Variants in CACNA1C observed in about 807,000 individuals in gnomAD.
CACNA1C encodes the protein calcium voltage-gated channel subunit alpha1 C, also known as voltage-dependent L-type calcium channel subunit alpha-1C.
A neutral mutation model predicts 229.0 loss-of-function variants in CACNA1C; 30 were observed. The ratio of observed to expected loss-of-function variants is 0.13; its 90% confidence interval spans 0.10 to 0.18. The LOEUF is 0.18. Among genes scored for constraint, CACNA1C ranks in the 10% least tolerant of loss-of-function variants. The pLI is 1.00. For missense variants in CACNA1C, 1,658 were observed against 2,845.0 expected, an observed-to-expected ratio of 0.58 and a Z score of 9.49; for synonymous variants, 1,114 against 1,132.5, an observed-to-expected ratio of 0.98 and a Z score of 0.33.
intron 1 of CACNA1C, among the ~76,000 whole-genome samples, chr12:2,002,874 T>C (rs1349817288): frequency 6.6e-6 from 1 of 152,152 alleles, no homozygotes; most frequent in African/African-American, 2.4e-5. Context: ...ATGTTCTTTA[T>C]GTAAAAACGA....
chr12:2,531,673 C>T (rs1023623066), intron 9 of CACNA1C, among the ~76,000 whole-genome samples: 1 of 152,206 alleles, frequency 6.6e-6, no homozygotes, highest in African/African-American at 2.4e-5. Flanking sequence ...GGACTCTGGA[C>T]AGCTTCTCTG....
At chr12:2,180,707 A>G (rs1336798678) in intron 3 of CACNA1C, among the ~76,000 whole-genome samples, 1 of 152,164 alleles carries the variant, frequency 6.6e-6, no homozygotes. Flanking sequence ...TTGGGTTCTA[A>G]TCACAGCGTG....
intron 1 of CACNA1C, chr12:2,004,204 G>C (rs577849235): frequency 6.3e-7 from 1 of 1,576,368 alleles, no homozygotes; most frequent in East Asian, 2.3e-5. Flanking sequence ...CCCTCACCGG[G>C]TCCTCAAGTC....
intron 3 of CACNA1C, among the ~76,000 whole-genome samples, chr12:2,203,678 AG>A (rs1301161930): frequency 6.6e-6 from 1 of 150,984 alleles, no homozygotes; most frequent in Admixed American, 6.6e-5. Flanking sequence ...CTGCTCCTTC[AG>A]GGTCACCCAC....
chr12:2,211,519 A>G (rs2097915159), intron 3 of CACNA1C, among the ~76,000 whole-genome samples: 1 of 152,152 alleles, frequency 6.6e-6, no homozygotes, highest in Non-Finnish European at 1.5e-5. Flanking sequence ...CTTTAACTCT[A>G]GCAGCCTTAT....
intron 5 of CACNA1C, among the ~76,000 whole-genome samples, chr12:2,483,160 C>T (rs556882720): frequency 2.0e-5 from 3 of 152,314 alleles, no homozygotes; most frequent in Non-Finnish European, 2.9e-5. Context: ...AGGGGAGCCG[C>T]GTGCGCTGGG....
intron 29 of CACNA1C, among the ~76,000 whole-genome samples, chr12:2,618,224 C>T (rs1451773647): frequency 6.6e-6 from 1 of 152,194 alleles, no homozygotes; most frequent in Non-Finnish European, 1.5e-5. Flanking sequence ...CAACTCAGCC[C>T]CCAAGTCAAA....
At chr12:2,668,322 A>G (rs2096347738) in intron 37 of CACNA1C, among the ~76,000 whole-genome samples, 1 of 151,728 alleles carries the variant, frequency 6.6e-6, no homozygotes, top group Admixed American at 6.6e-5. Context: ...TACCTCTCCC[A>G]CTCCACGAGG....
chr12:2,568,758 G>A (rs959612337), intron 13 of CACNA1C, among the ~76,000 whole-genome samples: 3 of 152,054 alleles, frequency 2.0e-5, no homozygotes, highest in African/African-American at 7.2e-5. Flanking sequence ...GGCGCCCAGG[G>A]CTGGAGGGAG....
At chr12:2,389,786 G>A (rs1241993077) in intron 3 of CACNA1C, among the ~76,000 whole-genome samples, 4 of 152,170 alleles carry the variant, frequency 2.6e-5, no homozygotes, top group Non-Finnish European at 5.9e-5. Flanking sequence ...TGCTCCTGCT[G>A]TGGTGCTGCC....
chr12:2,583,283 C>T (rs2061263120), intron 15 of CACNA1C, among the ~76,000 whole-genome samples: 1 of 152,196 alleles, frequency 6.6e-6, no homozygotes, highest in Non-Finnish European at 1.5e-5. Flanking sequence ...CCTGGGGCCG[C>T]GGCGTCTGCT....
intron 29 of CACNA1C, 79 bp downstream of exon 29, chr12:2,612,092 G>A (rs1283998010): frequency 7.0e-6 from 6 of 852,204 alleles, no homozygotes; most frequent in Non-Finnish European, 1.2e-5. Context: ...GGTATTGAAG[G>A]CAGAATGAGG....
intron 3 of CACNA1C, among the ~76,000 whole-genome samples, chr12:2,302,223 G>T (rs146093729): frequency 6.6e-6 from 1 of 152,060 alleles, no homozygotes; most frequent in South Asian, 2.1e-4. Context: ...TAACCCATTC[G>T]CCATTCTCTC....
At chr12:2,234,457 T>C (rs2066533652) in intron 3 of CACNA1C, among the ~76,000 whole-genome samples, 1 of 152,190 alleles carries the variant, frequency 6.6e-6, no homozygotes, top group Non-Finnish European at 1.5e-5. Flanking sequence ...TGAAAAGTAA[T>C]GTAGGGTCTA....
At chr12:2,454,258 T>C (rs1367929045) in intron 4 of CACNA1C, among the ~76,000 whole-genome samples, 1 of 152,236 alleles carries the variant, frequency 6.6e-6, no homozygotes, top group Non-Finnish European at 1.5e-5. Flanking sequence ...TTCTTGGATA[T>C]CTGGCTTCTG....
rs150552108 is a variant in CACNA1C at position 2,421,455 on chromosome 12, G to A, written c.478-27521G>A. ...GAGGGACAAATGGGATTCACCATGG[G>A]AAAGAGAGTTATCTGAGAGGAACAT... On this transcript the variant is annotated intron_variant, in intron 3 of 46. Coordinates refer to ENST00000399655, the MANE Select transcript of CACNA1C (RefSeq NM_000719.7). Among the ~76,000 whole-genome samples, 221 of 152,320 alleles carry A rather than the reference G, an allele frequency of 1.5e-3. 1 individual carries two copies. Among genetic ancestry groups the A allele is most frequent in the African/African-American group, 4.9e-3 (204 of 41,564 alleles).
chr12:2,001,484 GT>G (rs1294824712), intron 1 of CACNA1C, among the ~76,000 whole-genome samples: 2 of 152,184 alleles, frequency 1.3e-5, no homozygotes. Context: ...AAATAGTGCT[GT>G]TTTGCAAATT....
intron 3 of CACNA1C, among the ~76,000 whole-genome samples, chr12:2,353,393 A>G (rs1388912908): frequency 6.6e-6 from 1 of 152,216 alleles, no homozygotes; most frequent in Admixed American, 6.5e-5. Flanking sequence ...TACCTGTCCC[A>G]TGCCAGGAGC....
intron 1 of CACNA1C, among the ~76,000 whole-genome samples, chr12:2,075,072 T>C (rs1231295679): frequency 6.6e-6 from 1 of 152,242 alleles, no homozygotes; most frequent in African/African-American, 2.4e-5. Flanking sequence ...AGTGTCTTAA[T>C]GCATTCCTTC....
Sources: gnomAD v4.1 joint callset for allele counts (sites outside exome capture counted in the v4.1 genomes callset) on GRCh38, gnomAD v4.1.1 for gene constraint, MANE v1.5 for transcripts, NCBI Gene and HGNC (gene_info 2026-07-23, HGNC 2026-07-21) for gene names.